The following STAG1 variants were observed in gnomAD, a reference collection of about 807,000 sequenced individuals.
STAG1 encodes STAG1 cohesin complex component, also known as cohesin subunit SA-1.
In STAG1, 26 loss-of-function variants were observed where a neutral mutation model predicts 170.9. That is an observed-to-expected ratio of 0.15 (90% CI 0.11 to 0.21). STAG1 has a LOEUF of 0.21. Ranked by LOEUF, STAG1 falls within the 10% of genes least tolerant of loss-of-function variation. The probability of loss-of-function intolerance (pLI) is 1.00; values close to 1 mark genes in which losing one functional copy is unlikely to be tolerated. For synonymous variants in STAG1, 514 were observed against 497.7 expected (o/e 1.03, Z -0.44); for missense variants, 964 against 1,509.5 (o/e 0.64, Z 5.99).
At chr3:136,638,859 G>A (rs891959030) in intron 1 of STAG1, among the ~76,000 whole-genome samples, 15 of 152,156 alleles carry the variant, frequency 9.9e-5, no homozygotes, top group Admixed American at 5.2e-4. Flanking sequence ...CCAGGATCAC[G>A]CCATTGAACT....
At chr3:136,731,059 C>T (rs1288328591) in intron 1 of STAG1, among the ~76,000 whole-genome samples, 1 of 152,200 alleles carries the variant, frequency 6.6e-6, no homozygotes, top group Non-Finnish European at 1.5e-5. Flanking sequence ...TATATCACAG[C>T]TCTGTCCCTT....
chr3:136,604,823 T>C lies in STAG1; in HGVS notation c.133-350A>G, dbSNP rs1355263911. On this transcript the variant is annotated intron_variant, in intron 3 of 33. Coordinates refer to ENST00000383202, the MANE Select transcript of STAG1 (RefSeq NM_005862.3). ...CACCACCACGACCAGTTAATTTTTG[T>C]ATTTTCAATAGAGACGGAGTTTCAC... 1.3e-5 allele frequency among the ~76,000 whole-genome samples: 2 copies of C among 152,128 alleles called. 1 individual carries two copies. Among genetic ancestry groups the C allele is most frequent in the Non-Finnish European group, 2.9e-5 (2 of 68,032 alleles).
intron 1 of STAG1, among the ~76,000 whole-genome samples, chr3:136,660,116 A>C (rs1417869629): frequency 6.6e-6 from 1 of 152,224 alleles, no homozygotes; most frequent in Non-Finnish European, 1.5e-5. Flanking sequence ...ATACATGACA[A>C]ATGTGGAGGC....
At chr3:136,617,158 C>T (rs112820912) in intron 3 of STAG1, among the ~76,000 whole-genome samples, 24 of 152,298 alleles carry the variant, frequency 1.6e-4, no homozygotes, top group Non-Finnish European at 3.2e-4. Context: ...CAACATGGCA[C>T]CAACTCTGCA....
Position 136,463,603 on chromosome 3 carries a change from T to TA in STAG1, c.1313+1277dup, listed in dbSNP as rs573525116. On this transcript the variant is annotated intron_variant, in intron 13 of 33. Coordinates refer to ENST00000383202, the MANE Select transcript of STAG1 (RefSeq NM_005862.3). ...TTTAAATATGAATTAATCAACTGGG[T>TA]ACAGTGGCTCATGCCTGTAATCCCA... is the stretch of plus-strand genomic sequence containing the variant. Among the ~76,000 whole-genome samples, 148 of 151,364 alleles carry TA rather than the reference T, an allele frequency of 9.8e-4. 1 individual carries two copies. Among genetic ancestry groups the TA allele is most frequent in the African/African-American group, 3.5e-3 (145 of 41,330 alleles).
chr3:136,396,395 T>A (rs1248769031), intron 22 of STAG1, among the ~76,000 whole-genome samples: 2 of 149,902 alleles, frequency 1.3e-5, no homozygotes, highest in East Asian at 3.9e-4. Context: ...TTTTTTTGTA[T>A]TTTTAGTATT....
Position 136,369,233 on chromosome 3 carries a change from A to G in STAG1, c.2420T>C (p.Met807Thr). The G allele has an allele frequency of 6.2e-7, 1 of 1,603,788 alleles. No individual in the cohort carries two copies. The highest frequency in any genetic ancestry group is 2.3e-5 in the East Asian group (1 of 44,252). ...DLLMIFSHQLMTGGREGLQPL... is the reference protein window; with the variant it reads ...DLLMIFSHQLTTGGREGLQPL... ...CTGAAGGCCCTCTCTGCCACCTGTC[A>G]TTAATTGGTGGCTGAAAATCATCAG... Residue 807 changes from methionine (M) to threonine (T), a missense_variant, in exon 24 of 34, where the codon ATG (methionine) becomes ACG (threonine). Met to Thr is a moderately conservative substitution (Grantham distance 81, BLOSUM62 -1). Coordinates refer to ENST00000383202, the MANE Select transcript of STAG1 (RefSeq NM_005862.3).
intron 7 of STAG1, among the ~76,000 whole-genome samples, chr3:136,519,535 GT>G (rs199724394): frequency 2.0e-5 from 3 of 150,402 alleles, no homozygotes; most frequent in Admixed American, 1.3e-4. Context: ...TATTTTCAAG[GT>G]TTTTTTTTCC....
At chr3:136,556,085 C>A (rs1936602454) in intron 5 of STAG1, among the ~76,000 whole-genome samples, 1 of 152,092 alleles carries the variant, frequency 6.6e-6, no homozygotes, top group Non-Finnish European at 1.5e-5. Context: ...CAGTGGTAGA[C>A]ATGCTTTTCT....
intron 1 of STAG1, among the ~76,000 whole-genome samples, chr3:136,738,101 TA>T (rs1452846275): frequency 6.6e-6 from 1 of 151,896 alleles, no homozygotes; most frequent in African/African-American, 2.4e-5. Context: ...TATAAAATAC[TA>T]AAAAATGCTC....
chr3:136,641,919 A>T (rs1008199368), intron 1 of STAG1, among the ~76,000 whole-genome samples: 5 of 152,158 alleles, frequency 3.3e-5, no homozygotes, highest in African/African-American at 4.8e-5. Flanking sequence ...ATTTCAGGAG[A>T]GAAGGAATAG....
At chr3:136,524,807 G>A (rs964184237) in intron 6 of STAG1, among the ~76,000 whole-genome samples, 2 of 152,132 alleles carry the variant, frequency 1.3e-5, no homozygotes, top group Admixed American at 6.5e-5. Context: ...TAGCATGAAG[G>A]CTGTTGAATT....
intron 5 of STAG1, among the ~76,000 whole-genome samples, chr3:136,555,593 G>C (rs7427564): frequency 6.6e-6 from 1 of 151,892 alleles, no homozygotes; most frequent in African/African-American, 2.4e-5. Context: ...TGAGGTAGTA[G>C]AATCCGCTTG....
intron 1 of STAG1, among the ~76,000 whole-genome samples, chr3:136,722,864 G>A (rs548322755): frequency 2.6e-5 from 4 of 152,160 alleles, no homozygotes; most frequent in South Asian, 2.1e-4. Flanking sequence ...ACTGGTTTTC[G>A]TATTTTTTTG....
intron 9 of STAG1, among the ~76,000 whole-genome samples, chr3:136,478,145 C>G (rs1157569553): frequency 6.6e-6 from 1 of 152,120 alleles, no homozygotes; most frequent in Non-Finnish European, 1.5e-5. Context: ...AGAAAAAGCC[C>G]ACTTTATTCA....
At chr3:136,406,119 C>A (rs1022388939) in intron 21 of STAG1, among the ~76,000 whole-genome samples, 7 of 152,088 alleles carry the variant, frequency 4.6e-5, no homozygotes, top group African/African-American at 1.4e-4. Context: ...ATTGTGATAG[C>A]CAAATACTGG....
chr3:136,670,743 A>G (rs1430208045), intron 1 of STAG1, among the ~76,000 whole-genome samples: 2 of 151,710 alleles, frequency 1.3e-5, no homozygotes, highest in Admixed American at 1.3e-4. Flanking sequence ...AAGTGCTGGG[A>G]TTACAGGTCT....
intron 4 of STAG1, among the ~76,000 whole-genome samples, chr3:136,581,777 T>A (rs1028358165): frequency 7.9e-5 from 12 of 152,122 alleles, no homozygotes; most frequent in African/African-American, 1.7e-4. Flanking sequence ...AAAATGGAAT[T>A]TTTTTATGGA....
intron 13 of STAG1, among the ~76,000 whole-genome samples, chr3:136,453,376 A>C (rs541831046): frequency 6.6e-6 from 1 of 152,158 alleles, no homozygotes; most frequent in Admixed American, 6.5e-5. Flanking sequence ...CAGATCATGA[A>C]GTCAGGAGAT....
Sources: gnomAD v4.1 joint callset for allele counts (sites outside exome capture counted in the v4.1 genomes callset) on GRCh38, gnomAD v4.1.1 for gene constraint, MANE v1.5 for transcripts, NCBI Gene and HGNC (gene_info 2026-07-23, HGNC 2026-07-21) for gene names.